The following MPP4 variants were observed in gnomAD, a reference collection of about 807,000 sequenced individuals.
MPP4 encodes the protein MAGUK p55 subfamily member 4.
In MPP4, 91 loss-of-function variants were observed where a neutral mutation model predicts 98.3. The observed-to-expected ratio is 0.93, with a 90% confidence interval of 0.78 to 1.10. The LOEUF (loss-of-function observed/expected upper bound fraction) is 1.10. MPP4 is among the 50% of genes least tolerant of loss of function. The pLI is 0.00. For missense variants in MPP4, 744 were observed against 792.9 expected (o/e 0.94, Z 0.74); for synonymous variants, 261 against 271.8 (o/e 0.96, Z 0.39).
intron 21 of MPP4, among the ~76,000 whole-genome samples, chr2:201,646,229 A>G (rs543933125): frequency 1.3e-5 from 2 of 152,358 alleles, no homozygotes; most frequent in East Asian, 1.9e-4. Flanking sequence ...ACCAGTTTAA[A>G]TAAAATTTAA....
At chr2:201,653,187 A>C (rs1466142804) in intron 18 of MPP4, among the ~76,000 whole-genome samples, 2 of 152,136 alleles carry the variant, frequency 1.3e-5, no homozygotes, top group Non-Finnish European at 2.9e-5. Flanking sequence ...GCTGTGATGG[A>C]CCCTACAAGG....
chr2:201,693,709 A>T (rs1689102188), intron 2 of MPP4, among the ~76,000 whole-genome samples, 167 bp downstream of exon 2: 1 of 152,194 alleles, frequency 6.6e-6, no homozygotes. Flanking sequence ...CCTGGCTTGA[A>T]ATTTGTTCTT....
At chr2:201,671,583 A>C (rs887387197) in intron 11 of MPP4, among the ~76,000 whole-genome samples, 6 of 152,202 alleles carry the variant, frequency 3.9e-5, no homozygotes, top group Non-Finnish European at 5.9e-5. Context: ...AAAGCAAAAA[A>C]AAGCAGGGGT....
At chr2:201,682,705 G>A (rs1268277025) in intron 8 of MPP4, 126 bp downstream of exon 8, 6 of 723,680 alleles carry the variant, frequency 8.3e-6, no homozygotes, top group African/African-American at 1.8e-5. Flanking sequence ...GGAGCCTGGA[G>A]GGAGAAAGCT....
At chr2:201,666,225 T>G in intron 13 of MPP4, 109 bp downstream of exon 13, 1 of 835,440 alleles carries the variant, frequency 1.2e-6, no homozygotes, top group Non-Finnish European at 1.8e-6. Flanking sequence ...TTTTACACAT[T>G]TCTAGAGGAA....
In MPP4 at chr2:201,682,737, G is replaced by A. The variant is rs998050833; in HGVS notation, c.660+94C>T. On this transcript the variant is annotated intron_variant, in intron 8 of 21. Coordinates refer to ENST00000409474, the MANE Select transcript of MPP4 (RefSeq NM_033066.3). ...AGCTGCCAAGAGAACTTGAGTCCCC[G>A]GTACATCCCAGTGCACACACGTGGG... 2.7e-5 allele frequency: 28 copies of A among 1,046,922 alleles called. No individual in the cohort carries two copies. In the East Asian group the frequency reaches 3.5e-4, roughly 13 times the overall value. The allele number at this position is 1,046,922 out of a possible 1,614,324, so 64.9% of individuals were successfully genotyped here.
chr2:201,669,561 AC>A (rs1688281422), intron 12 of MPP4, among the ~76,000 whole-genome samples, 171 bp downstream of exon 12: 1 of 346 alleles, frequency 2.9e-3, no homozygotes. Flanking sequence ...TAAATCAATG[AC>A]TATCACACTA....
chr2:201,672,857 AC>A (rs1688383796), intron 11 of MPP4, among the ~76,000 whole-genome samples: 1 of 152,176 alleles, frequency 6.6e-6, no homozygotes, highest in South Asian at 2.1e-4. Context: ...CTCCTCCCTC[AC>A]TCATTTTATG....
chr2:201,663,386 G>A (rs746424494), intron 14 of MPP4, among the ~76,000 whole-genome samples: 6 of 152,160 alleles, frequency 3.9e-5, no homozygotes, highest in Non-Finnish European at 5.9e-5. Flanking sequence ...AGAAGTACTG[G>A]CTAAGGTAAA....
At chr2:201,649,745 A>G in intron 19 of MPP4, 61 bp from the exon 20 acceptor site, 1 of 1,137,962 alleles carries the variant, frequency 8.8e-7, no homozygotes, top group East Asian at 2.5e-5. Flanking sequence ...ATTAGTAGTA[A>G]CATGAGGATA....
At chr2:201,650,925 T>C (rs985839437) in intron 18 of MPP4, 4 of 985,286 alleles carry the variant, frequency 4.1e-6, no homozygotes, top group African/African-American at 1.7e-5. Context: ...AATATAGGAG[T>C]TCATCAAATA....
intron 16 of MPP4, among the ~76,000 whole-genome samples, chr2:201,657,833 C>T (rs1687900995): frequency 6.6e-6 from 1 of 151,966 alleles, no homozygotes; most frequent in Non-Finnish European, 1.5e-5. Flanking sequence ...GCACAGATGC[C>T]TTCTTCACCC....
intron 1 of MPP4, among the ~76,000 whole-genome samples, chr2:201,698,366 C>T (rs2105955973): frequency 6.6e-6 from 1 of 152,290 alleles, no homozygotes; most frequent in South Asian, 2.1e-4. Context: ...CTCAATCTTC[C>T]TGACAACTCA....
intron 11 of MPP4, among the ~76,000 whole-genome samples, chr2:201,670,809 C>T (rs1248768146): frequency 6.6e-6 from 1 of 152,214 alleles, no homozygotes; most frequent in Non-Finnish European, 1.5e-5. Context: ...CAGCTCCCAG[C>T]AAGATCAATG....
intron 21 of MPP4, among the ~76,000 whole-genome samples, chr2:201,645,775 C>G (rs1002611182): frequency 1.1e-4 from 17 of 152,204 alleles, no homozygotes; most frequent in African/African-American, 4.1e-4. Flanking sequence ...CTAGGCCTCC[C>G]AAGTAGCTGG....
intron 1 of MPP4, among the ~76,000 whole-genome samples, chr2:201,697,425 G>A (rs1689221356): frequency 6.6e-6 from 1 of 152,226 alleles, no homozygotes; most frequent in Admixed American, 6.5e-5. Flanking sequence ...CTTGCTCAGT[G>A]TCTGTCTCCC....
rs531912944 is a variant in MPP4, at chr2:201,659,467, A to G, written c.1087+865T>C. ...AGGAAAAAACTCCAGAAAAAAAGTT[A>G]TTAAGAAAATTATTTTCAAATTACT... On this transcript the variant is annotated intron_variant, in intron 15 of 21. Transcript: ENST00000409474. 1.1e-4 allele frequency among the ~76,000 whole-genome samples: 16 copies of G among 152,348 alleles called. No individual in the cohort carries two copies. In the South Asian group the frequency reaches 3.1e-3, roughly 30 times the overall value.
intron 10 of MPP4, among the ~76,000 whole-genome samples, chr2:201,676,642 G>C (rs1240127488): frequency 6.6e-6 from 1 of 152,236 alleles, no homozygotes; most frequent in Non-Finnish European, 1.5e-5. Context: ...GCTCACGCCT[G>C]TAATCCCAGC....
intron 14 of MPP4, among the ~76,000 whole-genome samples, chr2:201,660,899 G>C (rs1688007483): frequency 6.6e-6 from 1 of 152,072 alleles, no homozygotes; most frequent in African/African-American, 2.4e-5. Context: ...TTGTTTTCTA[G>C]ATATCACAAA....
Sources: allele counts gnomAD v4.1 joint callset (sites outside exome capture counted in the v4.1 genomes callset), GRCh38; gene constraint gnomAD v4.1.1; transcripts MANE v1.5; gene names NCBI Gene and HGNC (gene_info 2026-07-23, HGNC 2026-07-21).